Variants in ZNF469 observed in about 807,000 individuals in gnomAD.
The protein encoded by ZNF469 is zinc finger protein 469.
ZNF469 carries 1 observed loss-of-function variant against 1.0 expected under a neutral mutation model. The observed-to-expected ratio is 1.00, with a 90% CI of 0.35 to 4.73. The LOEUF is 4.73. Among genes scored for constraint, ZNF469 ranks in the 30% most tolerant of loss-of-function variants. The pLI, the probability that ZNF469 is intolerant of heterozygous loss-of-function variation, is 0.16. For missense variants in ZNF469, 6,100 were observed against 5,356.3 expected, an observed-to-expected ratio of 1.14 and a Z score of -4.33; for synonymous variants, 2,703 against 2,363.4, an observed-to-expected ratio of 1.14 and a Z score of -4.17.
chr16:88,318,007 C>G, the ZNF469 span, among the ~76,000 whole-genome samples: 2 of 152,252 alleles, frequency 1.3e-5, no homozygotes, highest in Non-Finnish European at 2.9e-5. Context: ...CTCCTGGCCC[C>G]AGCCCTGTCC....
Position 88,427,950 on chromosome 16 carries a change from T to C in ZNF469, c.480T>C (p.Ala160=). 1 of 1,549,774 alleles carries C rather than the reference T, an allele frequency of 6.5e-7. No individual in the cohort carries two copies. Among genetic ancestry groups the C allele is most frequent in the African/African-American group, 1.4e-5 (1 of 73,034 alleles). Reference sequence around the variant, plus strand: ...CCCCCCAGGGCCCTGGGACTGGAGCTCCACTCAGGCCGGGCCTCCCAAGGA... The same window carrying C: ...CCCCCCAGGGCCCTGGGACTGGAGCCCCACTCAGGCCGGGCCTCCCAAGGA... ...VDTPQGPGTG[A]PLRPGLPRTE... Residue 160 remains alanine (A), a synonymous_variant, in exon 3 of 3, where the codon GCT becomes GCC. Coordinates refer to ENST00000565624, the MANE Select transcript of ZNF469 (RefSeq NM_001367624.2).
At chr16:88,196,639 G>A in the ZNF469 span, among the ~76,000 whole-genome samples, 166 of 152,308 alleles carry the variant, frequency 1.1e-3, no homozygotes, top group African/African-American at 3.8e-3. Flanking sequence ...GGGCCTACAG[G>A]TTGGCTGCTG....
At chr16:88,306,216 C>G in the ZNF469 span, among the ~76,000 whole-genome samples, 1 of 152,228 alleles carries the variant, frequency 6.6e-6, no homozygotes, top group African/African-American at 2.4e-5. Context: ...TGCCAGGCAC[C>G]GGACTGTGCT....
At chr16:88,381,372 A>G (rs1437444560), upstream of ZNF469, among the ~76,000 whole-genome samples, 1 of 136,138 alleles carries the variant, frequency 7.3e-6, no homozygotes, top group Admixed American at 8.4e-5. Context: ...ATGCACTCAC[A>G]CACAGAGACA....
the ZNF469 span, among the ~76,000 whole-genome samples, chr16:88,310,545 T>C: frequency 6.6e-6 from 1 of 151,744 alleles, no homozygotes. Flanking sequence ...TCCTTGACAG[T>C]ACCTTGTCCT....
the ZNF469 span, among the ~76,000 whole-genome samples, chr16:88,249,316 C>T: frequency 6.6e-6 from 1 of 151,836 alleles, no homozygotes; most frequent in African/African-American, 2.4e-5. Flanking sequence ...TAGTCTCGAA[C>T]TCCTGGGCTC....
At chr16:88,397,485 C>G (rs1370760276) in intron 1 of ZNF469, among the ~76,000 whole-genome samples, 1 of 146,314 alleles carries the variant, frequency 6.8e-6, no homozygotes, top group East Asian at 2.0e-4. Context: ...ATTTCAGGAT[C>G]TCAGGGGGTT....
chr16:88,411,314 A>G (rs985107048), intron 1 of ZNF469, among the ~76,000 whole-genome samples: 1 of 152,240 alleles, frequency 6.6e-6, no homozygotes, highest in Non-Finnish European at 1.5e-5. Context: ...GCGAGCCAGC[A>G]TCTGGGCCGA....
At chr16:88,418,645 CG>C (rs1358588154) in intron 1 of ZNF469, among the ~76,000 whole-genome samples, 28 of 151,996 alleles carry the variant, frequency 1.8e-4, no homozygotes, top group Non-Finnish European at 2.6e-4. Flanking sequence ...ATAGGCACCC[CG>C]ATAAGACAGG....
At chr16:88,385,173 G>A (rs534985983) in intron 1 of ZNF469, among the ~76,000 whole-genome samples, 11 of 152,254 alleles carry the variant, frequency 7.2e-5, no homozygotes, top group African/African-American at 2.4e-4. Flanking sequence ...CTGAACGGAA[G>A]TAAACCTGAA....
the ZNF469 span, among the ~76,000 whole-genome samples, chr16:88,142,740 G>A: frequency 6.6e-6 from 1 of 152,350 alleles, no homozygotes; most frequent in Non-Finnish European, 1.5e-5. Flanking sequence ...CACCCTGCGG[G>A]GAGTCGGCCG....
the ZNF469 span, among the ~76,000 whole-genome samples, chr16:88,179,222 G>A: frequency 1.3e-5 from 2 of 152,148 alleles, no homozygotes; most frequent in East Asian, 1.9e-4. Context: ...TGAGGCCTAC[G>A]GGCGGGGGTT....
the ZNF469 span, among the ~76,000 whole-genome samples, chr16:88,176,760 A>G: frequency 1.3e-5 from 2 of 152,182 alleles, no homozygotes; most frequent in Non-Finnish European, 2.9e-5. Flanking sequence ...CCCTGCCACA[A>G]CCCCCAACGC....
At chr16:88,135,162 G>C in the ZNF469 span, among the ~76,000 whole-genome samples, 4 of 152,234 alleles carry the variant, frequency 2.6e-5, no homozygotes, top group African/African-American at 9.6e-5. Flanking sequence ...GCGGACCCGA[G>C]CATTCCGTGG....
At chr16:88,222,799 A>G in the ZNF469 span, among the ~76,000 whole-genome samples, 1 of 151,798 alleles carries the variant, frequency 6.6e-6, no homozygotes, top group Non-Finnish European at 1.5e-5. Context: ...TGCTCTTGCT[A>G]TATTGCCCAA....
At chr16:88,128,729 G>A in the ZNF469 span, among the ~76,000 whole-genome samples, 1 of 152,254 alleles carries the variant, frequency 6.6e-6, no homozygotes, top group South Asian at 2.1e-4. Flanking sequence ...TCCCCAAGCT[G>A]CCTGGGCAAG....
the ZNF469 span, among the ~76,000 whole-genome samples, chr16:88,121,056 G>A: frequency 6.6e-6 from 1 of 151,750 alleles, no homozygotes. Flanking sequence ...TGCACAGTGG[G>A]GTGGGGTGCT....
At chr16:88,166,116 C>A in the ZNF469 span, among the ~76,000 whole-genome samples, 1 of 152,254 alleles carries the variant, frequency 6.6e-6, no homozygotes, top group Non-Finnish European at 1.5e-5. The surrounding 1 kb of genome is among the most constrained non-coding windows in gnomAD (Gnocchi z 4.5). Flanking sequence ...GACAGACAGG[C>A]TGGCCCAGAG....
At position 88,439,263 on chromosome 16, in the gene ZNF469, C is replaced by T; in HGVS notation, c.11793C>T (p.Leu3931=). The T allele has an allele frequency of 1.3e-6, 2 of 1,550,528 alleles. No homozygotes were observed. The highest frequency in any genetic ancestry group is 2.4e-5 in the South Asian group (2 of 84,062). The change falls in exon 3 of 3, where the codon CTC becomes CTT. Residue 3931 remains leucine (L), a synonymous_variant. Coordinates refer to ENST00000565624, the MANE Select transcript of ZNF469 (RefSeq NM_001367624.2). The part of the protein sequence containing the change: ...THRTAEAQSD[L]LSQLFGQRLT... ...GGACGGCCGAGGCCCAGAGTGACCTCCTCAGCCAGCTCTTCGGGCAGAGAC... is the reference window on the plus strand; with the variant it reads ...GGACGGCCGAGGCCCAGAGTGACCTTCTCAGCCAGCTCTTCGGGCAGAGAC...
Sources: allele counts gnomAD v4.1 joint callset (sites outside exome capture counted in the v4.1 genomes callset), GRCh38; gene constraint gnomAD v4.1.1; non-coding constraint Gnocchi (gnomAD v3.1); transcripts MANE v1.5; gene names NCBI Gene and HGNC (gene_info 2026-07-23, HGNC 2026-07-21).